MID2: variants seen among roughly 807,000 people sequenced by gnomAD.
MID2 encodes the protein probable E3 ubiquitin-protein ligase MID2.
MID2 carries 13 observed loss-of-function variants against 46.1 expected under a neutral mutation model. The ratio of observed to expected loss-of-function variants is 0.28; its 90% CI spans 0.18 to 0.45. MID2 has a LOEUF of 0.45. MID2 is among the 20% of genes least tolerant of loss of function. The pLI is 1.00. For synonymous variants in MID2, 199 were observed against 212.3 expected (o/e 0.94, Z 0.55); for missense variants, 431 against 575.4 (o/e 0.75, Z 2.57).
intron 3 of MID2, among the ~76,000 whole-genome samples, chrX:107,889,743 T>C (rs1372912552): frequency 1.8e-5 from 2 of 112,353 alleles, no homozygotes; most frequent in African/African-American, 6.5e-5. Context: ...TCCCCGTCAC[T>C]TTCAGGTACA....
intron 3 of MID2, among the ~76,000 whole-genome samples, chrX:107,890,501 G>C (rs1257923434): frequency 9.0e-6 from 1 of 111,608 alleles, no homozygotes; most frequent in Non-Finnish European, 1.9e-5. Context: ...AGGAGTACCC[G>C]GCCTTGTGAG....
chrX:107,892,698 T>C (rs781040693), intron 3 of MID2, among the ~76,000 whole-genome samples: 1 of 112,109 alleles, frequency 8.9e-6, no homozygotes, highest in South Asian at 3.8e-4. Flanking sequence ...CCAGACCTTT[T>C]TGCTGTCTTC....
intron 1 of MID2, among the ~76,000 whole-genome samples, chrX:107,828,451 A>G (rs2147819043): frequency 9.2e-6 from 1 of 108,906 alleles, no homozygotes; most frequent in African/African-American, 3.4e-5. Context: ...AGTTGGGAAC[A>G]CAGGTGCATG....
intron 4 of MID2, 38 bp downstream of exon 4, chrX:107,904,103 G>T: frequency 1.1e-6 from 1 of 935,177 alleles, no homozygotes; most frequent in South Asian, 2.0e-5. Flanking sequence ...AGGAAGGGTT[G>T]ACTTTACAAA....
intron 2 of MID2, among the ~76,000 whole-genome samples, chrX:107,853,420 C>T (rs1931673985): frequency 9.0e-6 from 1 of 111,331 alleles, no homozygotes; most frequent in Admixed American, 9.5e-5. Context: ...CCACCTCAGC[C>T]TCCTGAGTCA....
At chrX:107,843,846 A>T (rs1486300094) in intron 2 of MID2, among the ~76,000 whole-genome samples, 1 of 110,523 alleles carries the variant, frequency 9.0e-6, no homozygotes, top group African/African-American at 3.3e-5. Context: ...TTCTTCCCCA[A>T]GGAGAAAGGG....
intron 1 of MID2, among the ~76,000 whole-genome samples, chrX:107,838,679 A>G (rs935686231): frequency 8.9e-6 from 1 of 112,810 alleles, no homozygotes; most frequent in Non-Finnish European, 1.9e-5. Flanking sequence ...GGCATAAAGT[A>G]TAATTGTACT....
At chrX:107,850,372 C>T (rs771149708) in intron 2 of MID2, among the ~76,000 whole-genome samples, 9 of 111,608 alleles carry the variant, frequency 8.1e-5, no homozygotes, top group Non-Finnish European at 1.1e-4. Flanking sequence ...ATTGCATAAT[C>T]GCTTCAATTC....
At chrX:107,874,979 C>T (rs992591719) in intron 3 of MID2, among the ~76,000 whole-genome samples, 3 of 110,973 alleles carry the variant, frequency 2.7e-5, no homozygotes, top group Non-Finnish European at 5.7e-5. Context: ...GAGAGGTTTC[C>T]TCAGTTCGAG....
chrX:107,845,707 C>T (rs1931455124), intron 2 of MID2, among the ~76,000 whole-genome samples: 1 of 110,471 alleles, frequency 9.1e-6, no homozygotes, highest in African/African-American at 3.3e-5. Context: ...GATTACTTGT[C>T]CTTCTTCCTA....
intron 3 of MID2, among the ~76,000 whole-genome samples, chrX:107,896,835 C>T (rs960468985): frequency 1.8e-5 from 2 of 111,004 alleles, no homozygotes; most frequent in African/African-American, 6.6e-5. Flanking sequence ...CACACACGCA[C>T]GCATACACAC....
intron 3 of MID2, among the ~76,000 whole-genome samples, chrX:107,869,497 TCA>T (rs1932022723): frequency 8.9e-6 from 1 of 112,092 alleles, no homozygotes; most frequent in Non-Finnish European, 1.9e-5. Flanking sequence ...CAAAATATAC[TCA>T]GTTTGGATTG....
rs1933243439 is a variant in MID2 at position 107,929,372 on chromosome X, A to G, written c.*2299A>G. On this transcript the variant is annotated 3_prime_UTR_variant, in exon 10 of 10. Coordinates refer to ENST00000262843, the MANE Select transcript of MID2 (RefSeq NM_012216.4). ...CCAGTAGAAGGTCCCAACTCCTTAC[A>G]GAGTCTGGGTTTTCATGTCCCTGTT... 9.0e-6 allele frequency among the ~76,000 whole-genome samples: 1 copy of G among 111,153 alleles called. No individual in the cohort carries two copies. Among genetic ancestry groups the G allele is most frequent in the Non-Finnish European group, 1.9e-5 (1 of 52,895 alleles).
intron 3 of MID2, among the ~76,000 whole-genome samples, chrX:107,874,224 T>C (rs1932141923): frequency 9.0e-6 from 1 of 111,429 alleles, no homozygotes; most frequent in African/African-American, 3.3e-5. Context: ...GGGAGGAAGG[T>C]GGCTGGATTT....
At chrX:107,879,119 A>G (rs1469495921) in intron 3 of MID2, among the ~76,000 whole-genome samples, 2 of 111,383 alleles carry the variant, frequency 1.8e-5, no homozygotes, top group African/African-American at 6.5e-5. Context: ...GGGTGGGGCC[A>G]TGACCCCTGA....
Position 107,927,233 on chromosome X carries a change from T to A in MID2, c.*160T>A. The A allele has an allele frequency of 2.4e-6, 1 of 425,259 alleles. No individual in the cohort carries two copies. Among genetic ancestry groups the A allele is most frequent in the Middle Eastern group, 6.7e-4 (1 of 1,484 alleles). 35.0% of individuals were successfully genotyped at this position (425,259 alleles called of 1,213,427 possible). A position where few individuals can be genotyped will look rare whatever the true frequency, so the allele number is the denominator to read the frequency against. The stretch of plus-strand genomic sequence containing the variant: ...TTTAATTTTTGTGCATTAAAGCTTG[T>A]ATTTGAATTAATTTATTGAGTTTTT... On this transcript the variant is annotated 3_prime_UTR_variant, in exon 10 of 10. Coordinates refer to ENST00000262843, the MANE Select transcript of MID2 (RefSeq NM_012216.4).
At chrX:107,857,785 C>T (rs911038920) in intron 3 of MID2, among the ~76,000 whole-genome samples, 7 of 111,742 alleles carry the variant, frequency 6.3e-5, no homozygotes, top group African/African-American at 2.3e-4. Flanking sequence ...AAGTAAGACA[C>T]TGATGGGTGA....
At chrX:107,869,876 A>G (rs1036913991) in intron 3 of MID2, among the ~76,000 whole-genome samples, 4 of 110,626 alleles carry the variant, frequency 3.6e-5, no homozygotes, top group Admixed American at 1.9e-4. Flanking sequence ...AGGCACTTAT[A>G]TCTCCTTTAC....
intron 1 of MID2, among the ~76,000 whole-genome samples, chrX:107,839,327 C>T (rs1380245043): frequency 9.1e-6 from 1 of 109,930 alleles, no homozygotes; most frequent in Non-Finnish European, 1.9e-5. Context: ...GATAGAGTTA[C>T]CAAGAGGTTG....
Sources: gnomAD v4.1 joint callset for allele counts (sites outside exome capture counted in the v4.1 genomes callset) on GRCh38, gnomAD v4.1.1 for gene constraint, MANE v1.5 for transcripts, NCBI Gene and HGNC (gene_info 2026-07-23, HGNC 2026-07-21) for gene names.